SUCLG2: variants seen among roughly 807,000 people sequenced by gnomAD.
SUCLG2 encodes succinate--CoA ligase [GDP-forming] subunit beta, mitochondrial.
Under a neutral mutation model 47.9 loss-of-function variants are expected in SUCLG2, and 42 were observed. The ratio of observed to expected loss-of-function variants is 0.88; its 90% CI spans 0.69 to 1.14. The LOEUF is 1.14. Among genes scored for constraint, SUCLG2 ranks in the 50% most tolerant of loss-of-function variants. SUCLG2 has a pLI of 0.00. For synonymous variants in SUCLG2, 195 were observed against 197.3 expected (o/e 0.99, Z 0.10); for missense variants, 571 against 525.9 (o/e 1.09, Z -0.84).
intron 1 of SUCLG2, among the ~76,000 whole-genome samples, chr3:67,612,879 A>G (rs1470562286): frequency 2.0e-5 from 3 of 152,338 alleles, no homozygotes; most frequent in Non-Finnish European, 4.4e-5. Context: ...CTCGGGTTTA[A>G]CTAATTTTAT....
intron 1 of SUCLG2, among the ~76,000 whole-genome samples, chr3:67,618,469 T>C (rs1366984087): frequency 1.3e-5 from 2 of 152,144 alleles, no homozygotes; most frequent in African/African-American, 4.8e-5. Flanking sequence ...TTCATCTCAT[T>C]TGAACTAGGT....
At chr3:67,492,447 T>C (rs1185134654) in intron 9 of SUCLG2, among the ~76,000 whole-genome samples, 1 of 152,222 alleles carries the variant, frequency 6.6e-6, no homozygotes, top group Admixed American at 6.5e-5. Context: ...ACATTCTATA[T>C]AGTGCTTTTC....
chr3:67,436,561 C>T (rs1703628083), intron 9 of SUCLG2, among the ~76,000 whole-genome samples: 1 of 152,184 alleles, frequency 6.6e-6, no homozygotes, highest in Admixed American at 6.5e-5. Flanking sequence ...AACCAACTAG[C>T]AGCGATGTGC....
chr3:67,653,255 C>T (rs1701319882), intron 1 of SUCLG2, among the ~76,000 whole-genome samples: 1 of 152,226 alleles, frequency 6.6e-6, no homozygotes, highest in Non-Finnish European at 1.5e-5. Flanking sequence ...AATAGGACTT[C>T]ATCTCCTAGA....
rs559384274 is a variant in SUCLG2, at chr3:67,422,813, A to G, written c.1063-21962T>C. Among the ~76,000 whole-genome samples the G allele has an allele frequency of 7.9e-5, 12 of 152,284 alleles. No individual in the cohort carries two copies. In the South Asian group the frequency reaches 2.1e-3, roughly 26 times the overall value. ...ACTAAAGGGTGGGCAACTGACGGAT[A>G]GGGCATCTGTATCATTTACACTTAA... On this transcript the variant is annotated intron_variant, in intron 9 of 10. Transcript: ENST00000307227.
intron 9 of SUCLG2, among the ~76,000 whole-genome samples, chr3:67,452,547 GA>G (rs1266195362): frequency 1.3e-5 from 2 of 152,066 alleles, no homozygotes; most frequent in Non-Finnish European, 2.9e-5. Context: ...CTAATATGTA[GA>G]AAACAGGTAA....
chr3:67,553,747 T>C (rs1421929540), intron 2 of SUCLG2, among the ~76,000 whole-genome samples: 2 of 152,186 alleles, frequency 1.3e-5, no homozygotes, highest in Non-Finnish European at 2.9e-5. Context: ...CAATATTGTT[T>C]ATAATCTTTG....
At chr3:67,427,261 C>T (rs1703327537) in intron 9 of SUCLG2, among the ~76,000 whole-genome samples, 2 of 152,122 alleles carry the variant, frequency 1.3e-5, no homozygotes, top group African/African-American at 2.4e-5. Flanking sequence ...TAAGATCAGG[C>T]TTTAAAATAA....
At chr3:67,623,609 T>G (rs1700773716) in intron 1 of SUCLG2, among the ~76,000 whole-genome samples, 1 of 152,218 alleles carries the variant, frequency 6.6e-6, no homozygotes. Flanking sequence ...GTTCTGGGGC[T>G]ATTCATTATT....
intron 2 of SUCLG2, among the ~76,000 whole-genome samples, chr3:67,585,880 T>A (rs1448621637): frequency 6.8e-6 from 1 of 147,238 alleles, no homozygotes; most frequent in African/African-American, 2.6e-5. Flanking sequence ...GGCAGGAGAA[T>A]CGCTCGAACC....
At chr3:67,612,663 G>T (rs188536737) in intron 1 of SUCLG2, among the ~76,000 whole-genome samples, 6 of 151,864 alleles carry the variant, frequency 4.0e-5, no homozygotes, top group African/African-American at 1.2e-4. Context: ...AAATATCCTC[G>T]GTCTTCTTCC....
At chr3:67,578,072 T>C (rs1264458647) in intron 2 of SUCLG2, among the ~76,000 whole-genome samples, 1 of 151,964 alleles carries the variant, frequency 6.6e-6, no homozygotes, top group East Asian at 1.9e-4. Flanking sequence ...TTATCTCTGA[T>C]TTGGTCAACA....
At chr3:67,543,112 A>C (rs1706761930) in intron 2 of SUCLG2, among the ~76,000 whole-genome samples, 1 of 152,220 alleles carries the variant, frequency 6.6e-6, no homozygotes, top group Non-Finnish European at 1.5e-5. Flanking sequence ...AAATCATAAC[A>C]GTGTCTCAGA....
intron 5 of SUCLG2, among the ~76,000 whole-genome samples, chr3:67,519,381 C>T (rs6548602): frequency 0.99 from 151,021 of 152,360 alleles, 74,851 homozygotes; most frequent in East Asian, 1. Flanking sequence ...CTGAAACGTA[C>T]ATATAGCTCC....
chr3:67,500,591 T>C (rs938667436), intron 7 of SUCLG2, among the ~76,000 whole-genome samples: 4 of 152,200 alleles, frequency 2.6e-5, no homozygotes, highest in African/African-American at 9.7e-5. Flanking sequence ...TGTTCTCTGC[T>C]TGCTACAGGG....
At chr3:67,626,077 T>C (rs1700823985) in intron 1 of SUCLG2, among the ~76,000 whole-genome samples, 1 of 151,702 alleles carries the variant, frequency 6.6e-6, no homozygotes, top group African/African-American at 2.4e-5. Flanking sequence ...TGGAGTGCAG[T>C]GGCGCCATCT....
chr3:67,477,061 A>T (rs1207811492), intron 9 of SUCLG2, among the ~76,000 whole-genome samples: 1 of 152,028 alleles, frequency 6.6e-6, no homozygotes, highest in Non-Finnish European at 1.5e-5. Flanking sequence ...AATATATGTA[A>T]ATTCTGCTTG....
chr3:67,569,427 C>T (rs1372303778), intron 2 of SUCLG2, among the ~76,000 whole-genome samples: 3 of 152,224 alleles, frequency 2.0e-5, no homozygotes, highest in African/African-American at 2.4e-5. Context: ...CTCTTAGGGG[C>T]GGGGCTATCA....
At chr3:67,472,195 A>T (rs1444379818) in intron 9 of SUCLG2, among the ~76,000 whole-genome samples, 2 of 152,214 alleles carry the variant, frequency 1.3e-5, no homozygotes, top group Non-Finnish European at 2.9e-5. Context: ...CATTGTTAAC[A>T]CAGTGATGTT....
Sources: gnomAD v4.1 joint callset for allele counts (sites outside exome capture counted in the v4.1 genomes callset) on GRCh38, gnomAD v4.1.1 for gene constraint, MANE v1.5 for transcripts, NCBI Gene and HGNC (gene_info 2026-07-23, HGNC 2026-07-21) for gene names.